The following ATG7 variants were observed in gnomAD, a reference collection of about 807,000 sequenced individuals.
ATG7 encodes the protein autophagy related 7, also known as ubiquitin-like modifier-activating enzyme ATG7.
Under a neutral mutation model 82.4 loss-of-function variants are expected in ATG7, and 70 were observed. That is an observed-to-expected ratio of 0.85 (90% CI 0.70 to 1.04). The LOEUF (loss-of-function observed/expected upper bound fraction) is 1.04, where lower values mean the gene tolerates loss of function less well. Among genes scored for constraint, ATG7 ranks in the 50% least tolerant of loss-of-function variants. ATG7 has a pLI of 0.00. For synonymous variants in ATG7, 287 were observed against 313.0 expected (o/e 0.92, Z 0.88); for missense variants, 792 against 864.3 (o/e 0.92, Z 1.05).
intron 9 of ATG7, 112 bp downstream of exon 9, chr3:11,315,605 A>G: frequency 1.0e-6 from 1 of 981,218 alleles, no homozygotes; most frequent in Non-Finnish European, 1.4e-6. Flanking sequence ...CTTAGCCTTC[A>G]AAGGATGTTT....
In ATG7 at chr3:11,468,278, G is replaced by A. The variant is rs190156440; in HGVS notation, c.2079+41352G>A. Among the ~76,000 whole-genome samples, 369 of 147,650 alleles carry A rather than the reference G, an allele frequency of 2.5e-3. 5 individuals are homozygous for A. The highest frequency in any genetic ancestry group is 3.6e-3 in the Non-Finnish European group (245 of 67,312). On this transcript the variant is annotated intron_variant, in intron 20 of 20. Coordinates refer to ENST00000693202, the MANE Select transcript of ATG7 (RefSeq NM_001349232.2). ...CACCCGAGGAATCTGCAGTCTCTGC[G>A]TAAGTGAAGAATGAGAATGGAAGGG...
intron 20 of ATG7, among the ~76,000 whole-genome samples, chr3:11,551,244 G>A (rs994457953): frequency 2.6e-5 from 4 of 152,214 alleles, no homozygotes; most frequent in Non-Finnish European, 5.9e-5. Flanking sequence ...TCGGCCCATG[G>A]TGGGGGCTTC....
chr3:11,423,989 C>T (rs2082154749), intron 19 of ATG7, among the ~76,000 whole-genome samples: 1 of 152,216 alleles, frequency 6.6e-6, no homozygotes, highest in Admixed American at 6.5e-5. Flanking sequence ...ACTCTCTGCA[C>T]AGCTGGGCCT....
intron 19 of ATG7, among the ~76,000 whole-genome samples, chr3:11,397,820 C>T (rs1269755623): frequency 6.7e-6 from 1 of 149,088 alleles, no homozygotes; most frequent in African/African-American, 2.4e-5. Context: ...CGGTGGCTCA[C>T]ACCTGTAATC....
chr3:11,361,574 C>G (rs577496203), intron 16 of ATG7, among the ~76,000 whole-genome samples: 2 of 152,124 alleles, frequency 1.3e-5, no homozygotes, highest in African/African-American at 4.8e-5. Context: ...TGAGCCACCA[C>G]GCTTAGCCAA....
At chr3:11,397,883 G>C (rs1576073921) in intron 19 of ATG7, among the ~76,000 whole-genome samples, 1 of 151,070 alleles carries the variant, frequency 6.6e-6, no homozygotes, top group Non-Finnish European at 1.5e-5. Context: ...AGGAGTTTGA[G>C]ATCAGCCTGG....
chr3:11,539,003 T>C (rs2070597045), intron 20 of ATG7, among the ~76,000 whole-genome samples: 1 of 151,122 alleles, frequency 6.6e-6, no homozygotes, highest in African/African-American at 2.5e-5. Flanking sequence ...TCTTGCTATT[T>C]TCAATGTGAA....
At chr3:11,477,545 G>T (rs913911516) in intron 20 of ATG7, among the ~76,000 whole-genome samples, 4 of 152,212 alleles carry the variant, frequency 2.6e-5, no homozygotes, top group African/African-American at 9.6e-5. Context: ...AAGGGCGTTT[G>T]TTAGACACAG....
At chr3:11,569,970 G>C in the ATG7 span, among the ~76,000 whole-genome samples, 41 of 152,280 alleles carry the variant, frequency 2.7e-4, 1 homozygote, top group Non-Finnish European at 3.4e-4. Flanking sequence ...CCTGAAACCT[G>C]GTTAAAGTGG....
intron 20 of ATG7, among the ~76,000 whole-genome samples, chr3:11,544,083 C>G (rs1204058790): frequency 6.6e-6 from 1 of 152,250 alleles, no homozygotes; most frequent in Non-Finnish European, 1.5e-5. Context: ...CTGCCCGCAC[C>G]AGCAGTCTGA....
the ATG7 span, chr3:11,568,824 C>G: frequency 7.0e-7 from 1 of 1,421,582 alleles, no homozygotes. The surrounding 1 kb of genome is among the most constrained non-coding windows in gnomAD (Gnocchi z 5.9). Flanking sequence ...CGCGAACACC[C>G]AAAGGACTCT....
intron 19 of ATG7, among the ~76,000 whole-genome samples, chr3:11,421,359 A>G (rs1202357348): frequency 6.6e-6 from 1 of 152,220 alleles, no homozygotes; most frequent in African/African-American, 2.4e-5. Flanking sequence ...CCACTTTATC[A>G]ACATGATGTT....
Position 11,541,780 on chromosome 3 carries a change from C to G in ATG7, c.2080-13031C>G, listed in dbSNP as rs6779007. ...GGTAGAGAACAAACATGTAAAAGTG[C>G]CTGCCTTTTTAAAGGGAAACTTTTC... On this transcript the variant is annotated intron_variant, in intron 20 of 20. Coordinates refer to ENST00000693202, the MANE Select transcript of ATG7 (RefSeq NM_001349232.2). 2.6e-5 allele frequency among the ~76,000 whole-genome samples: 4 copies of G among 152,180 alleles called. No individual in the cohort carries two copies. In the East Asian group the frequency reaches 7.7e-4, roughly 29 times the overall value.
intron 20 of ATG7, among the ~76,000 whole-genome samples, chr3:11,442,194 T>C (rs1478341876): frequency 6.6e-6 from 1 of 152,296 alleles, no homozygotes; most frequent in Admixed American, 6.5e-5. Flanking sequence ...AGCCAAGCTC[T>C]CTTCAGCCCT....
chr3:11,291,630 A>T (rs1443850657), intron 3 of ATG7, among the ~76,000 whole-genome samples: 1 of 152,246 alleles, frequency 6.6e-6, no homozygotes, highest in Admixed American at 6.5e-5. Flanking sequence ...AGCATTTAAT[A>T]AGAACAGTTA....
At chr3:11,551,242 T>C (rs2071749147) in intron 20 of ATG7, among the ~76,000 whole-genome samples, 1 of 152,198 alleles carries the variant, frequency 6.6e-6, no homozygotes, top group African/African-American at 2.4e-5. Flanking sequence ...CCTCGGCCCA[T>C]GGTGGGGGCT....
chr3:11,566,338 C>T, the ATG7 span, among the ~76,000 whole-genome samples: 58 of 152,292 alleles, frequency 3.8e-4, 3 homozygotes, highest in South Asian at 0.011. Flanking sequence ...TTGACTCCCG[C>T]GATGGTGACA....
At chr3:11,451,550 C>T (rs2085133676) in intron 20 of ATG7, among the ~76,000 whole-genome samples, 2 of 152,072 alleles carry the variant, frequency 1.3e-5, no homozygotes, top group South Asian at 4.1e-4. Context: ...GATTTTCAAC[C>T]CAGGGGCCCT....
At chr3:11,356,962 T>A (rs2075977425) in intron 14 of ATG7, among the ~76,000 whole-genome samples, 1 of 152,210 alleles carries the variant, frequency 6.6e-6, no homozygotes, top group African/African-American at 2.4e-5. Context: ...GCCACTCTTT[T>A]TTACATTCCT....
Sources: gnomAD v4.1 joint callset for allele counts (sites outside exome capture counted in the v4.1 genomes callset) on GRCh38, gnomAD v4.1.1 for gene constraint, Gnocchi (gnomAD v3.1) non-coding constraint, MANE v1.5 for transcripts, NCBI Gene and HGNC (gene_info 2026-07-23, HGNC 2026-07-21) for gene names.